MIPEP: variants seen among roughly 807,000 people sequenced by gnomAD.
The protein encoded by MIPEP is mitochondrial intermediate peptidase.
MIPEP carries 79 observed loss-of-function variants against 90.3 expected under a neutral mutation model. The observed-to-expected ratio is 0.87, with a 90% CI of 0.73 to 1.05. The LOEUF is 1.05. Among genes scored for constraint, MIPEP ranks in the 50% least tolerant of loss-of-function variants. The probability of loss-of-function intolerance (pLI) is 0.00; values close to 1 mark genes in which losing one functional copy is unlikely to be tolerated. For missense variants in MIPEP, 940 were observed against 905.6 expected (o/e 1.04, Z -0.49); for synonymous variants, 334 against 315.8 (o/e 1.06, Z -0.61).
chr13:23,748,062 A>T (rs1392887302), intron 18 of MIPEP, among the ~76,000 whole-genome samples: 2 of 151,860 alleles, frequency 1.3e-5, no homozygotes, highest in Non-Finnish European at 2.9e-5. Context: ...TTTGAGCTGG[A>T]GTCTCCTTCT....
chr13:23,880,446 T>C (rs1871229425), intron 3 of MIPEP, among the ~76,000 whole-genome samples: 1 of 152,220 alleles, frequency 6.6e-6, no homozygotes, highest in Non-Finnish European at 1.5e-5. Flanking sequence ...TAGTATGTTT[T>C]ATGTTGGAAG....
intron 4 of MIPEP, among the ~76,000 whole-genome samples, chr13:23,878,298 A>G (rs1038590668): frequency 6.6e-6 from 1 of 152,218 alleles, no homozygotes; most frequent in Non-Finnish European, 1.5e-5. Context: ...AGGACTGATA[A>G]AGTGAAACAC....
chr13:23,732,967 C>T (rs985237894), intron 18 of MIPEP, among the ~76,000 whole-genome samples: 12 of 152,070 alleles, frequency 7.9e-5, no homozygotes, highest in African/African-American at 2.2e-4. Context: ...TGCATGTAAA[C>T]GAATCTAGGT....
intron 5 of MIPEP, among the ~76,000 whole-genome samples, chr13:23,870,729 C>T (rs1273643037): frequency 6.6e-6 from 1 of 151,980 alleles, no homozygotes; most frequent in East Asian, 1.9e-4. Context: ...CGCTCGAACC[C>T]AGGAGGCGGA....
chr13:23,821,849 C>T lies in MIPEP; in HGVS notation c.1654-11925G>A, dbSNP rs115678553. On this transcript the variant is annotated intron_variant, in intron 14 of 18. Coordinates refer to ENST00000382172, the MANE Select transcript of MIPEP (RefSeq NM_005932.4). ...GTTGTTACACTGTACTGCTTTTTTA[C>T]TTGCATTTTAATAATTGTGTTGTTA... Among the ~76,000 whole-genome samples, 1,327 of 152,250 alleles carry T rather than the reference C, an allele frequency of 8.7e-3. 18 individuals are homozygous for T. Among genetic ancestry groups the T allele is most frequent in the African/African-American group, 0.031 (1,283 of 41,544 alleles).
chr13:23,823,170 T>C (rs117655862), intron 14 of MIPEP, among the ~76,000 whole-genome samples: 3,760 of 151,994 alleles, frequency 0.025, 61 homozygotes, highest in Non-Finnish European at 0.036. Context: ...AGCAGAAAAA[T>C]GGTCCGTAAG....
intron 15 of MIPEP, among the ~76,000 whole-genome samples, chr13:23,809,350 CTT>C (rs71185094): frequency 2.8e-5 from 4 of 144,480 alleles, no homozygotes; most frequent in Admixed American, 6.9e-5. Context: ...GGGAAATAGT[CTT>C]TTTTTTTTTT....
At chr13:23,858,388 G>C (rs756530050) in intron 10 of MIPEP, among the ~76,000 whole-genome samples, 5 of 139,556 alleles carry the variant, frequency 3.6e-5, no homozygotes, top group Non-Finnish European at 7.5e-5. Flanking sequence ...ATAATGTGTT[G>C]ACAATATATG....
intron 10 of MIPEP, among the ~76,000 whole-genome samples, chr13:23,856,235 T>C (rs1870043451): frequency 6.6e-6 from 1 of 152,150 alleles, no homozygotes; most frequent in African/African-American, 2.4e-5. Context: ...TGGCAAGATG[T>C]CACAGATGTG....
At chr13:23,744,439 A>G (rs549024209) in intron 18 of MIPEP, among the ~76,000 whole-genome samples, 2 of 152,346 alleles carry the variant, frequency 1.3e-5, no homozygotes, top group African/African-American at 4.8e-5. Context: ...TGGTATAATG[A>G]GAAAGAAGTT....
At chr13:23,831,383 C>CGGGGGGGCGGGGGGGGGGGGGGG (rs1555237516) in intron 14 of MIPEP, among the ~76,000 whole-genome samples, 1 of 40,854 alleles carries the variant, frequency 2.4e-5, no homozygotes, top group African/African-American at 8.4e-5. Flanking sequence ...TTCCCCATGG[C>CGGGGGGGCGGGGGGGGGGGGGGG]GGGGGGGGGA....
At chr13:23,839,158 A>G (rs1593183526) in intron 12 of MIPEP, among the ~76,000 whole-genome samples, 1 of 152,324 alleles carries the variant, frequency 6.6e-6, no homozygotes, top group Non-Finnish European at 1.5e-5. Flanking sequence ...AGGTTTCCAC[A>G]TGGAGTATCT....
chr13:23,860,366 A>T (rs1870237156), intron 9 of MIPEP, among the ~76,000 whole-genome samples: 1 of 152,248 alleles, frequency 6.6e-6, no homozygotes, highest in Non-Finnish European at 1.5e-5. Context: ...CCGGCACGTA[A>T]ATATTAATTC....
At chr13:23,770,630 G>C (rs898516568) in intron 16 of MIPEP, among the ~76,000 whole-genome samples, 7 of 151,970 alleles carry the variant, frequency 4.6e-5, no homozygotes, top group Non-Finnish European at 7.4e-5. Flanking sequence ...TCTCTGGTGT[G>C]GCTGATGTCC....
intron 14 of MIPEP, among the ~76,000 whole-genome samples, chr13:23,825,146 T>C (rs981990425): frequency 6.6e-6 from 1 of 152,238 alleles, no homozygotes; most frequent in Non-Finnish European, 1.5e-5. Context: ...ATGACTGGTC[T>C]AAAGCCAGCT....
chr13:23,760,760 T>A (rs1283747138), intron 16 of MIPEP, among the ~76,000 whole-genome samples: 1 of 152,240 alleles, frequency 6.6e-6, no homozygotes, highest in Non-Finnish European at 1.5e-5. Flanking sequence ...GAAAATTTTG[T>A]ATCACATAAA....
intron 1 of MIPEP, among the ~76,000 whole-genome samples, chr13:23,888,509 A>T (rs1871621447): frequency 6.6e-6 from 1 of 152,178 alleles, no homozygotes; most frequent in Non-Finnish European, 1.5e-5. Context: ...TTCACTAGAC[A>T]ACGCAGGCTA....
intron 4 of MIPEP, among the ~76,000 whole-genome samples, chr13:23,877,887 T>G (rs967936458): frequency 1.3e-5 from 2 of 152,218 alleles, no homozygotes; most frequent in Non-Finnish European, 2.9e-5. Context: ...TACTTCCAAG[T>G]TGCTTTTCTT....
intron 16 of MIPEP, among the ~76,000 whole-genome samples, chr13:23,783,816 CA>C (rs1174932113): frequency 1.3e-5 from 2 of 152,244 alleles, no homozygotes; most frequent in Non-Finnish European, 2.9e-5. Flanking sequence ...CACAGACAAA[CA>C]GAGAGCCAAA....
Sources: allele counts gnomAD v4.1 joint callset (sites outside exome capture counted in the v4.1 genomes callset), GRCh38; gene constraint gnomAD v4.1.1; transcripts MANE v1.5; gene names NCBI Gene and HGNC (gene_info 2026-07-23, HGNC 2026-07-21).